MAGI1: variants seen among roughly 807,000 people sequenced by gnomAD.
MAGI1 encodes the protein membrane-associated guanylate kinase, WW and PDZ domain-containing protein 1.
A neutral mutation model predicts 139.9 loss-of-function variants in MAGI1; 58 were observed. That is an observed-to-expected ratio of 0.41 (90% CI 0.34 to 0.52). MAGI1 has a LOEUF of 0.52. Among genes scored for constraint, MAGI1 ranks in the 20% least tolerant of loss-of-function variants. MAGI1 has a pLI of 0.12. For synonymous variants in MAGI1, 812 were observed against 737.9 expected, an observed-to-expected ratio of 1.10 and a Z score of -1.63; for missense variants, 1,874 against 1,901.6, an observed-to-expected ratio of 0.99 and a Z score of 0.27.
intron 2 of MAGI1, among the ~76,000 whole-genome samples, chr3:65,547,117 T>G (rs936630987): frequency 6.6e-6 from 1 of 152,182 alleles, no homozygotes; most frequent in Non-Finnish European, 1.5e-5. Context: ...CATGCTGACT[T>G]ATAAAACAAT....
chr3:65,796,768 T>C (rs1179553205), intron 1 of MAGI1, among the ~76,000 whole-genome samples: 1 of 152,226 alleles, frequency 6.6e-6, no homozygotes, highest in Non-Finnish European at 1.5e-5. Flanking sequence ...TTGCAGACCA[T>C]ATGCTCTCTA....
chr3:65,833,395 A>C (rs1559925881), intron 1 of MAGI1, among the ~76,000 whole-genome samples: 1 of 152,140 alleles, frequency 6.6e-6, no homozygotes, highest in East Asian at 1.9e-4. Context: ...CTGGGATTAC[A>C]GGTTTGAGCC....
At chr3:65,793,267 T>C (rs897761418) in intron 1 of MAGI1, among the ~76,000 whole-genome samples, 1 of 152,194 alleles carries the variant, frequency 6.6e-6, no homozygotes, top group Non-Finnish European at 1.5e-5. Context: ...GAATACAGAA[T>C]GAATCTATCT....
At chr3:65,716,380 A>G (rs1335927674) in intron 1 of MAGI1, among the ~76,000 whole-genome samples, 1 of 152,226 alleles carries the variant, frequency 6.6e-6, no homozygotes, top group Non-Finnish European at 1.5e-5. Context: ...CTGAGAAGGA[A>G]AATAAAAATA....
At chr3:65,611,240 A>G (rs1272961048) in intron 2 of MAGI1, among the ~76,000 whole-genome samples, 1 of 141,622 alleles carries the variant, frequency 7.1e-6, no homozygotes, top group Non-Finnish European at 1.5e-5. Flanking sequence ...AGTATATACT[A>G]TATATACTAT....
At chr3:65,765,846 G>A (rs1215929836) in intron 1 of MAGI1, among the ~76,000 whole-genome samples, 2 of 150,462 alleles carry the variant, frequency 1.3e-5, no homozygotes, top group Non-Finnish European at 3.0e-5. Context: ...TCTAAGCAAG[G>A]CAATGATTCT....
chr3:66,021,091 T>C (rs2067934614), intron 1 of MAGI1, among the ~76,000 whole-genome samples: 1 of 152,180 alleles, frequency 6.6e-6, no homozygotes, highest in African/African-American at 2.4e-5. Flanking sequence ...CTGTCCTCAC[T>C]ATTTGTGGAG....
chr3:65,364,717 G>A lies in MAGI1; in HGVS notation c.3299C>T (p.Thr1100Ile). ...QQGTQETRNT[T>I]KPKQESQFEF... Reference sequence around the variant, plus strand: ...AAATTGAGATTCCTGCTTTGGTTTGGTGGTATTCCTGCCAAAGTGAAAGAA... The same window carrying A: ...AAATTGAGATTCCTGCTTTGGTTTGATGGTATTCCTGCCAAAGTGAAAGAA... Residue 1100 changes from threonine to isoleucine, a missense_variant, in exon 20 of 23, where the codon ACC becomes ATC. This residue lies in a region of MAGI1 where 653 missense variants were observed against 644.5 expected (regional missense o/e 1.01). Transcript: ENST00000402939. 1 of 1,614,026 alleles carries A rather than the reference G, an allele frequency of 6.2e-7. No individual in the cohort carries two copies. Among genetic ancestry groups the A allele is most frequent in the South Asian group, 1.1e-5 (1 of 91,084 alleles).
At chr3:65,611,090 A>G (rs1024335309) in intron 2 of MAGI1, among the ~76,000 whole-genome samples, 1 of 137,862 alleles carries the variant, frequency 7.3e-6, no homozygotes, top group Non-Finnish European at 1.5e-5. Context: ...TACTATATAC[A>G]TATATAATAT....
intron 1 of MAGI1, among the ~76,000 whole-genome samples, chr3:66,022,313 G>C (rs1206535922): frequency 1.3e-5 from 2 of 152,146 alleles, no homozygotes; most frequent in East Asian, 1.9e-4. Context: ...TTCCCACGGA[G>C]TTGAAGAGAC....
chr3:65,556,807 A>G (rs979586875), intron 2 of MAGI1, among the ~76,000 whole-genome samples: 3 of 152,304 alleles, frequency 2.0e-5, no homozygotes, highest in East Asian at 3.9e-4. Context: ...TCTCCAAAGA[A>G]CAAGATCCTT....
At chr3:65,495,814 C>A (rs955125125) in intron 2 of MAGI1, among the ~76,000 whole-genome samples, 4 of 151,748 alleles carry the variant, frequency 2.6e-5, no homozygotes, top group African/African-American at 7.3e-5. Context: ...GGGAATGCAT[C>A]CAGGCAGAGG....
intron 4 of MAGI1, 103 bp downstream of exon 4, chr3:65,478,489 C>A (rs1417315806): frequency 8.5e-7 from 1 of 1,176,654 alleles, no homozygotes; most frequent in Non-Finnish European, 1.3e-6. Context: ...GGCGACTCTA[C>A]AAAATCCCTC....
chr3:65,620,684 G>GA (rs2083616628), intron 2 of MAGI1, among the ~76,000 whole-genome samples: 1 of 152,334 alleles, frequency 6.6e-6, no homozygotes, highest in East Asian at 1.9e-4. Context: ...TAAAAGAACT[G>GA]AGGACCACAA....
intron 1 of MAGI1, among the ~76,000 whole-genome samples, chr3:65,909,107 C>T (rs916992177): frequency 1.3e-5 from 2 of 152,122 alleles, no homozygotes; most frequent in East Asian, 1.9e-4. Context: ...TACCAGAAGC[C>T]TTTGCTCACA....
intron 22 of MAGI1, among the ~76,000 whole-genome samples, chr3:65,357,409 A>G (rs1472369373): frequency 1.3e-5 from 2 of 152,082 alleles, no homozygotes; most frequent in Non-Finnish European, 2.9e-5. Flanking sequence ...TCATGATTTG[A>G]GTCTTTAAAG....
intron 1 of MAGI1, among the ~76,000 whole-genome samples, chr3:65,632,235 T>C (rs569165471): frequency 2.0e-5 from 3 of 152,198 alleles, no homozygotes; most frequent in African/African-American, 4.8e-5. Flanking sequence ...TGGAAGAAAT[T>C]CAGCATCACT....
intron 1 of MAGI1, among the ~76,000 whole-genome samples, chr3:65,790,872 C>G (rs1454494414): frequency 1.3e-5 from 2 of 152,094 alleles, no homozygotes; most frequent in African/African-American, 4.8e-5. Context: ...GTCAGGAGTT[C>G]AAGACCAGCC....
chr3:65,429,024 AGAGGAACAT>A (rs1947278246), intron 12 of MAGI1, among the ~76,000 whole-genome samples: 1 of 152,150 alleles, frequency 6.6e-6, no homozygotes, highest in African/African-American at 2.4e-5. Context: ...CAGATGGAGG[AGAGGAACAT>A]GAGACAAGTT....
Sources: allele counts gnomAD v4.1 joint callset (sites outside exome capture counted in the v4.1 genomes callset), GRCh38; gene constraint gnomAD v4.1.1; regional missense constraint gnomAD v4.1.1; transcripts MANE v1.5; gene names NCBI Gene and HGNC (gene_info 2026-07-23, HGNC 2026-07-21).